HEPH: variants seen among roughly 807,000 people sequenced by gnomAD.
HEPH encodes the protein hephaestin.
In HEPH, 69 loss-of-function variants were observed where a neutral mutation model predicts 80.8. The ratio of observed to expected loss-of-function variants is 0.85; its 90% CI spans 0.70 to 1.04. HEPH has a LOEUF of 1.04. Ranked by LOEUF, HEPH falls within the 50% of genes least tolerant of loss-of-function variation. HEPH has a pLI of 0.00. For synonymous variants in HEPH, 431 were observed against 322.8 expected, an observed-to-expected ratio of 1.34 and a Z score of -3.60; for missense variants, 1,115 against 891.3, an observed-to-expected ratio of 1.25 and a Z score of -3.20.
chrX:66,205,033 A>G lies in HEPH; in HGVS notation c.2291+1456A>G, dbSNP rs776993466. Among the ~76,000 whole-genome samples the G allele has an allele frequency of 8.9e-5, 10 of 111,898 alleles. No homozygotes were observed. In the South Asian group the frequency reaches 3.3e-3, roughly 37 times the overall value. ...TGATCCTGTCATCCAGGTAGTGAGC[A>G]TAGTATCCAATAGTTAGTTTTTCAA... On this transcript the variant is annotated intron_variant, in intron 13 of 20. Coordinates refer to ENST00000343002, the MANE Select transcript of HEPH (RefSeq NM_001367233.3).
In HEPH at chrX:66,258,825, C is replaced by T. The variant is rs778835064; in HGVS notation, c.2897-15C>T. The T allele has an allele frequency of 2.7e-6, 3 of 1,093,603 alleles. No individual in the cohort carries two copies. The highest frequency in any genetic ancestry group is 4.5e-5 in the South Asian group (2 of 44,905). The allele number at this position is 1,093,603 out of a possible 1,213,427, so 90.1% of individuals were successfully genotyped here. A position where few individuals can be genotyped will look rare whatever the true frequency, so the allele number is the denominator to read the frequency against. On this transcript the variant is annotated splice_polypyrimidine_tract_variant and intron_variant, in intron 17 of 20. Coordinates refer to ENST00000343002, the MANE Select transcript of HEPH (RefSeq NM_001367233.3). The stretch of plus-strand genomic sequence containing the variant: ...TTTTTCTTTTCTTTTCTTTTCTTTT[C>T]TTTTTTTTTGACAGCAATCAATGGG...
chrX:66,170,772 T>A (rs1271224567), intron 2 of HEPH, 35 bp downstream of exon 2: 2 of 1,149,276 alleles, frequency 1.7e-6, no homozygotes, highest in Admixed American at 2.3e-5. Flanking sequence ...TGAGGGGAAG[T>A]TATGGGAGCA....
chrX:66,178,663 T>C (rs1244963989), intron 4 of HEPH, among the ~76,000 whole-genome samples: 2 of 112,230 alleles, frequency 1.8e-5, no homozygotes, highest in Non-Finnish European at 3.8e-5. Context: ...GGTATCTCAT[T>C]GTGGTTTTGA....
At chrX:66,227,116 G>A (rs1205332795) in intron 15 of HEPH, among the ~76,000 whole-genome samples, 1 of 111,778 alleles carries the variant, frequency 8.9e-6, no homozygotes, top group Non-Finnish European at 1.9e-5. Flanking sequence ...AAGTATGCAG[G>A]GATGTTTTAA....
At chrX:66,264,938 A>G (rs1022912917) in intron 20 of HEPH, among the ~76,000 whole-genome samples, 5 of 108,585 alleles carry the variant, frequency 4.6e-5, no homozygotes, top group African/African-American at 1.3e-4. Context: ...TTGTGTACAT[A>G]TATACATTCC....
At chrX:66,247,755 G>A (rs1206630042) in intron 15 of HEPH, among the ~76,000 whole-genome samples, 1 of 111,461 alleles carries the variant, frequency 9.0e-6, no homozygotes, top group Non-Finnish European at 1.9e-5. Flanking sequence ...AAAGGGTATT[G>A]AAAAATGGGA....
chrX:66,227,755 G>T (rs1406688515), intron 15 of HEPH, among the ~76,000 whole-genome samples: 1 of 111,152 alleles, frequency 9.0e-6, no homozygotes, highest in African/African-American at 3.3e-5. Context: ...ATTGCTCTAT[G>T]TGCCTTTTTT....
At chrX:66,235,743 T>C (rs984258034) in intron 15 of HEPH, among the ~76,000 whole-genome samples, 9 of 112,286 alleles carry the variant, frequency 8.0e-5, no homozygotes, top group South Asian at 3.7e-4. Flanking sequence ...AAATGGCATC[T>C]GTAGTTTGAT....
intron 4 of HEPH, among the ~76,000 whole-genome samples, chrX:66,179,544 G>T (rs999164233): frequency 3.6e-5 from 4 of 111,153 alleles, no homozygotes; most frequent in South Asian, 3.8e-4. Flanking sequence ...GGCAGTATTG[G>T]ATGAAATATT....
intron 15 of HEPH, among the ~76,000 whole-genome samples, chrX:66,239,673 G>A (rs2090495838): frequency 1.8e-5 from 2 of 111,470 alleles, no homozygotes; most frequent in Admixed American, 9.5e-5. Flanking sequence ...CATAGAGCAT[G>A]GCCTGGCCAA....
chrX:66,195,614 C>A (rs1320223538), intron 9 of HEPH, among the ~76,000 whole-genome samples: 3 of 111,192 alleles, frequency 2.7e-5, no homozygotes, highest in Non-Finnish European at 5.7e-5. Context: ...TTGCATCCTA[C>A]TATTCTCAGT....
At chrX:66,234,508 G>T (rs763157801) in intron 15 of HEPH, among the ~76,000 whole-genome samples, 1 of 111,059 alleles carries the variant, frequency 9.0e-6, no homozygotes, top group African/African-American at 3.3e-5. Flanking sequence ...TTCCACCATG[G>T]TTGAATTAAT....
chrX:66,236,226 T>C (rs750224374), intron 15 of HEPH, among the ~76,000 whole-genome samples: 7 of 111,954 alleles, frequency 6.3e-5, no homozygotes, highest in East Asian at 2.8e-4. Context: ...TTTTTGCCCA[T>C]TCAGTATGAT....
chrX:66,170,452 C>T lies in HEPH; in HGVS notation c.-13-106C>T, dbSNP rs1055810468. On this transcript the variant is annotated intron_variant, in intron 1 of 20. Transcript: ENST00000343002. ...AACTGGGCTAAATGGGTTTTGCTTT[C>T]TCAGTCACTCAACCTGGCTCTTGCC... 9.3e-6 allele frequency: 6 copies of T among 646,403 alleles called. No homozygotes were observed. The African/African-American group carries it at 1.3e-4, about 14-fold the overall frequency. The allele number at this position is 646,403 out of a possible 1,213,427, so 53.3% of individuals were successfully genotyped here. A position where few individuals can be genotyped will look rare whatever the true frequency, so the allele number is the denominator to read the frequency against.
intron 18 of HEPH, among the ~76,000 whole-genome samples, chrX:66,259,829 C>T (rs1465686913): frequency 9.1e-6 from 1 of 109,650 alleles, no homozygotes; most frequent in African/African-American, 3.3e-5. Context: ...CTGCCTCAGC[C>T]TCCCGAGTAG....
chrX:66,227,056 T>C (rs1258389956), intron 15 of HEPH, among the ~76,000 whole-genome samples: 1 of 111,836 alleles, frequency 8.9e-6, no homozygotes, highest in East Asian at 2.8e-4. Context: ...GTGAATGGAA[T>C]CCAACAGCAT....
intron 14 of HEPH, among the ~76,000 whole-genome samples, chrX:66,207,641 T>C (rs1327627226): frequency 1.8e-5 from 2 of 111,433 alleles, no homozygotes; most frequent in South Asian, 3.8e-4. Flanking sequence ...GAAAAAACTA[T>C]ATATATACAC....
chrX:66,201,907 C>T (rs768364125), intron 12 of HEPH, among the ~76,000 whole-genome samples: 3 of 111,835 alleles, frequency 2.7e-5, no homozygotes, highest in South Asian at 7.4e-4. Context: ...CAATAGATAA[C>T]GGTGGTAAGG....
chrX:66,187,049 A>T (rs1475881264), intron 4 of HEPH, among the ~76,000 whole-genome samples: 1 of 110,886 alleles, frequency 9.0e-6, no homozygotes, highest in African/African-American at 3.3e-5. Flanking sequence ...TTGCATTTCT[A>T]TAAGTGTGTC....
Sources: allele counts gnomAD v4.1 joint callset (sites outside exome capture counted in the v4.1 genomes callset), GRCh38; gene constraint gnomAD v4.1.1; transcripts MANE v1.5; gene names NCBI Gene and HGNC (gene_info 2026-07-23, HGNC 2026-07-21).